Variants in NHS observed in about 807,000 individuals in gnomAD.
NHS encodes the protein NHS actin remodeling regulator, also known as actin remodeling regulator NHS.
NHS carries 5 observed loss-of-function variants against 72.5 expected under a neutral mutation model. That is an observed-to-expected ratio of 0.07 (90% CI 0.04 to 0.14). The LOEUF (loss-of-function observed/expected upper bound fraction) is 0.14. Among genes scored for constraint, NHS ranks in the 10% least tolerant of loss-of-function variants. NHS has a pLI of 1.00. For synonymous variants in NHS, 464 were observed against 547.7 expected, an observed-to-expected ratio of 0.85 and a Z score of 2.13; for missense variants, 1,072 against 1,355.7, an observed-to-expected ratio of 0.79 and a Z score of 3.29.
rs34661609 is a variant in NHS at position 17,665,318 on chromosome X, A to ATTTTTTTT, written c.566-22403_566-22396dup. 7.3e-5 allele frequency among the ~76,000 whole-genome samples: 4 copies of ATTTTTTTT among 54,717 alleles called. 1 individual carries two copies. Among genetic ancestry groups the ATTTTTTTT allele is most frequent in the African/African-American group, 3.2e-4 (3 of 9,396 alleles). The allele number at this position is 54,717 out of a possible 115,157, so 47.5% of individuals were successfully genotyped here. ...TCACCATTAAGTATATTACCTATAG[A>ATTTTTTTT]TTTTTTTTTTTTTTTTTTTTTTTTT... On this transcript the variant is annotated intron_variant, in intron 1 of 8. Coordinates refer to ENST00000676302, the MANE Select transcript of NHS (RefSeq NM_001291867.2).
At chrX:17,587,526 C>T (rs771119828) in intron 1 of NHS, among the ~76,000 whole-genome samples, 1 of 112,230 alleles carries the variant, frequency 8.9e-6, no homozygotes, top group South Asian at 3.7e-4. Context: ...CTTGGGCCAG[C>T]CTCCTAGAAA....
intron 3 of NHS, among the ~76,000 whole-genome samples, chrX:17,712,389 C>CATAT (rs1340183864): frequency 4.4e-5 from 4 of 90,708 alleles, no homozygotes; most frequent in African/African-American, 1.9e-4. Flanking sequence ...CACACACACA[C>CATAT]ACACATATAT....
At chrX:17,697,819 G>T (rs1601841906) in intron 3 of NHS, among the ~76,000 whole-genome samples, 1 of 110,345 alleles carries the variant, frequency 9.1e-6, no homozygotes, top group Non-Finnish European at 1.9e-5. Context: ...GCAATAAGTG[G>T]CTGTTAAAGG....
chrX:17,712,253 G>GTATA (rs1216194040), intron 3 of NHS, among the ~76,000 whole-genome samples: 2,059 of 49,980 alleles, frequency 0.041, 75 homozygotes, highest in Non-Finnish European at 0.057. Flanking sequence ...TTGTGTGTGT[G>GTATA]TATATATATA....
chrX:17,411,398 A>G (rs2064557343), intron 1 of NHS, among the ~76,000 whole-genome samples: 1 of 111,704 alleles, frequency 9.0e-6, no homozygotes, highest in Admixed American at 9.5e-5. Flanking sequence ...TTGACTAGCC[A>G]TGGAATGAGG....
intron 1 of NHS, among the ~76,000 whole-genome samples, chrX:17,445,886 C>T (rs990300191): frequency 9.2e-6 from 1 of 108,752 alleles, no homozygotes; most frequent in Non-Finnish European, 1.9e-5. Context: ...AAAAACTTGC[C>T]GACCAAGCAA....
In NHS at chrX:17,548,945, A is replaced by G. The variant is rs749910704; in HGVS notation, c.566-138797A>G. Among the ~76,000 whole-genome samples the G allele has an allele frequency of 4.6e-5, 5 of 109,785 alleles. No homozygotes were observed. In the South Asian group the frequency reaches 2.0e-3, roughly 45 times the overall value. The stretch of plus-strand genomic sequence containing the variant: ...TCCTGAAGTACAATTTTGTAACGTC[A>G]TACTTGTCCCTTTTTTTTAAGAACG... On this transcript the variant is annotated intron_variant, in intron 1 of 8. Transcript: ENST00000676302.
At position 17,725,672 on chromosome X, in the gene NHS, C is replaced by T. The variant is rs777505360; in HGVS notation, c.1566C>T (p.Gly522=). The part of the protein sequence containing the change: ...NRGGDAEPKV[G]AKPSAYEEGE... ...GTGGGGATGCTGAGCCCAAAGTTGG[C>T]GCTAAACCCTCAGCATATGAAGAGG... The change falls in exon 7 of 9, where the codon GGC becomes GGT. Residue 522 remains glycine, a synonymous_variant. Coordinates refer to ENST00000676302, the MANE Select transcript of NHS (RefSeq NM_001291867.2). 30 of 1,209,030 alleles carry T rather than the reference C, an allele frequency of 2.5e-5. No individual in the cohort carries two copies. The highest frequency in any genetic ancestry group is 2.3e-4 in the Middle Eastern group (1 of 4,349).
chrX:17,412,046 T>G (rs1036659583), intron 1 of NHS, among the ~76,000 whole-genome samples: 2 of 110,751 alleles, frequency 1.8e-5, no homozygotes, highest in East Asian at 5.7e-4. Flanking sequence ...TAGAATGAAG[T>G]GATAAAGAAT....
chrX:17,433,154 C>T (rs777713116), intron 1 of NHS, among the ~76,000 whole-genome samples: 8 of 106,736 alleles, frequency 7.5e-5, no homozygotes, highest in Admixed American at 3.0e-4. Flanking sequence ...CTCAGCCTCC[C>T]GAGTAGCTGG....
rs753698675 is a variant in NHS, at chrX:17,455,810, C to T, written c.565+79488C>T. Among the ~76,000 whole-genome samples, 9 of 111,997 alleles carry T rather than the reference C, an allele frequency of 8.0e-5. No individual in the cohort carries two copies. In the East Asian group the frequency reaches 2.5e-3, roughly 32 times the overall value. On this transcript the variant is annotated intron_variant, in intron 1 of 8. Coordinates refer to ENST00000676302, the MANE Select transcript of NHS (RefSeq NM_001291867.2). ...ACCCTGTTGTCCTGTTCTTGTAAAT[C>T]TCAACTCAGAGTTGAGCTGCTTTTG...
At chrX:17,614,480 A>T (rs1437197590) in intron 1 of NHS, among the ~76,000 whole-genome samples, 1 of 111,278 alleles carries the variant, frequency 9.0e-6, no homozygotes, top group Non-Finnish European at 1.9e-5. Flanking sequence ...TGTACAAGCA[A>T]ACCCTCTCAT....
chrX:17,601,533 T>G (rs1249305034), intron 1 of NHS, among the ~76,000 whole-genome samples: 1 of 112,067 alleles, frequency 8.9e-6, no homozygotes, highest in Non-Finnish European at 1.9e-5. Flanking sequence ...CAAATGGATT[T>G]GATGATGGAA....
chrX:17,673,026 TAAAG>T (rs913096545), intron 1 of NHS, among the ~76,000 whole-genome samples: 3 of 110,285 alleles, frequency 2.7e-5, no homozygotes, highest in African/African-American at 9.9e-5. Flanking sequence ...AGAGATCAAG[TAAAG>T]AAAGGACAGA....
chrX:17,687,787 G>T lies in NHS; in HGVS notation c.611G>T (p.Arg204Leu), dbSNP rs140369750. 8.3e-7 allele frequency: 1 copy of T among 1,211,524 alleles called. No individual in the cohort carries two copies. The highest frequency in any genetic ancestry group is 1.1e-6 in the Non-Finnish European group (1 of 895,451). Residue 204 changes from arginine to leucine, a missense_variant, in exon 2 of 9, where the codon CGC (arginine) becomes CTC (leucine). Coordinates refer to ENST00000676302, the MANE Select transcript of NHS (RefSeq NM_001291867.2). ...DIESKLSVYY[R>L]APWHQQRNIF... ...GAGAGTAAGCTGAGTGTGTACTACCGCGCCCCGTGGCACCAGCAGCGCAAC... is the reference window on the plus strand; with the variant it reads ...GAGAGTAAGCTGAGTGTGTACTACCTCGCCCCGTGGCACCAGCAGCGCAAC...
At chrX:17,557,600 C>G (rs1299759646) in intron 1 of NHS, among the ~76,000 whole-genome samples, 2 of 111,142 alleles carry the variant, frequency 1.8e-5, no homozygotes, top group East Asian at 5.6e-4. Flanking sequence ...TTTACGATCT[C>G]ACAGTCTCTG....
chrX:17,481,329 G>A (rs2064945269), intron 1 of NHS, among the ~76,000 whole-genome samples: 1 of 111,991 alleles, frequency 8.9e-6, no homozygotes, highest in Non-Finnish European at 1.9e-5. Flanking sequence ...TGCTGCTTCT[G>A]ACATGACTTT....
intron 1 of NHS, among the ~76,000 whole-genome samples, chrX:17,531,285 C>A (rs2146942947): frequency 9.3e-6 from 1 of 107,183 alleles, no homozygotes; most frequent in South Asian, 4.4e-4. Flanking sequence ...CCCAGTTCTT[C>A]CCCTGGTGCC....
At chrX:17,610,127 G>C in intron 1 of NHS, among the ~76,000 whole-genome samples, 1 of 111,774 alleles carries the variant, frequency 8.9e-6, no homozygotes, top group African/African-American at 3.3e-5. Context: ...TTACACAATC[G>C]AATAGTCAAT....
Sources: allele counts gnomAD v4.1 joint callset (sites outside exome capture counted in the v4.1 genomes callset), GRCh38; gene constraint gnomAD v4.1.1; transcripts MANE v1.5; gene names NCBI Gene and HGNC (gene_info 2026-07-23, HGNC 2026-07-21).